B4GALT4: variants seen among roughly 807,000 people sequenced by gnomAD.
The protein encoded by B4GALT4 is N-acetyllactosamine synthase.
A neutral mutation model predicts 37.3 loss-of-function variants in B4GALT4; 27 were observed. The ratio of observed to expected loss-of-function variants is 0.72; its 90% CI spans 0.53 to 1.00. The LOEUF (loss-of-function observed/expected upper bound fraction) is 1.00, where lower values mean the gene tolerates loss of function less well. Ranked by LOEUF, B4GALT4 falls within the 50% of genes least tolerant of loss-of-function variation. The pLI is 0.00. For synonymous variants in B4GALT4, 148 were observed against 154.1 expected (o/e 0.96, Z 0.29); for missense variants, 372 against 413.1 (o/e 0.90, Z 0.86).
At chr3:119,235,388 C>T (rs556284178) in intron 2 of B4GALT4, among the ~76,000 whole-genome samples, 4 of 152,272 alleles carry the variant, frequency 2.6e-5, no homozygotes, top group African/African-American at 9.6e-5. Flanking sequence ...TGTGTTCATT[C>T]GGCAGCTATG....
chr3:119,220,439 C>T lies in B4GALT4; in HGVS notation c.675-1667G>A, dbSNP rs6762910. ...CATGTGCAAGACGGCTGGCTAAACA[C>T]GGGAATGCGGGAGCCCCGCCCTCAG... is the stretch of plus-strand genomic sequence containing the variant. On this transcript the variant is annotated intron_variant, in intron 5 of 7. Transcript: ENST00000393765. Among the ~76,000 whole-genome samples the T allele has an allele frequency of 5.7e-3, 861 of 152,318 alleles. 7 individuals carry two copies. Among genetic ancestry groups the T allele is most frequent in the African/African-American group, 0.02 (822 of 41,558 alleles).
chr3:119,226,544 T>C (rs184584775), intron 4 of B4GALT4: 5 of 456,252 alleles, frequency 1.1e-5, no homozygotes, highest in East Asian at 4.2e-5. Context: ...AGGGCAGTCA[T>C]TGGCTAACAT....
chr3:119,236,385 T>C (rs1487695089), intron 2 of B4GALT4: 2 of 152,114 alleles, frequency 1.3e-5, no homozygotes, highest in African/African-American at 2.4e-5. Context: ...ATAGTATTGA[T>C]CAATGTAGTA....
intron 3 of B4GALT4, among the ~76,000 whole-genome samples, chr3:119,228,843 A>G (rs1247971902): frequency 1.5e-5 from 2 of 137,246 alleles, no homozygotes; most frequent in Non-Finnish European, 3.3e-5. Flanking sequence ...AGCAAGAGGC[A>G]TGAGATCTAT....
rs945713130 is a variant in B4GALT4, at chr3:119,212,036, C to T, written c.*513G>A. 4 of 653,750 alleles carry T rather than the reference C, an allele frequency of 6.1e-6. No homozygotes were observed. In the East Asian group the frequency reaches 8.2e-5, roughly 13 times the overall value. The allele number at this position is 653,750 out of a possible 1,614,324, so 40.5% of individuals were successfully genotyped here. ...CCAAGTTCACTGTGTCCTGATTCGT[C>T]GCCTTTTCTCCCCTCTTTTGTGGAC... On this transcript the variant is annotated 3_prime_UTR_variant, in exon 8 of 8. Coordinates refer to ENST00000393765, the MANE Select transcript of B4GALT4 (RefSeq NM_003778.4).
At chr3:119,216,426 T>G in intron 6 of B4GALT4, 82 bp from the exon 7 acceptor site, 1 of 786,608 alleles carries the variant, frequency 1.3e-6, no homozygotes, top group Middle Eastern at 3.3e-4. Flanking sequence ...TTGCGAAAAT[T>G]TATACACACA....
chr3:119,233,625 A>C (rs942320028), intron 2 of B4GALT4, among the ~76,000 whole-genome samples: 4 of 152,172 alleles, frequency 2.6e-5, no homozygotes, highest in African/African-American at 7.2e-5. Context: ...AAACAAAAAC[A>C]AAAAAACCTA....
intron 4 of B4GALT4, chr3:119,226,503 G>A (rs1333149083): frequency 7.9e-6 from 3 of 380,962 alleles, no homozygotes; most frequent in Non-Finnish European, 1.5e-5. Flanking sequence ...GAAAGAAACA[G>A]AAGGGGCCAG....
chr3:119,238,685 T>C (rs1246498038), intron 1 of B4GALT4, among the ~76,000 whole-genome samples: 3 of 152,166 alleles, frequency 2.0e-5, no homozygotes, highest in Non-Finnish European at 4.4e-5. Flanking sequence ...TGTATGCATA[T>C]ATAGAAAAAA....
intron 3 of B4GALT4, among the ~76,000 whole-genome samples, chr3:119,228,320 A>C (rs1393801357): frequency 6.6e-6 from 1 of 152,030 alleles, no homozygotes; most frequent in Non-Finnish European, 1.5e-5. Flanking sequence ...CTTACTCTCT[A>C]TCAGTCTCCC....
chr3:119,236,226 G>A (rs1233894943), intron 2 of B4GALT4: 1 of 151,870 alleles, frequency 6.6e-6, no homozygotes, highest in African/African-American at 2.4e-5. Flanking sequence ...AGGAAAAACT[G>A]AGGAACTATT....
chr3:119,230,804 G>A (rs116259674), intron 2 of B4GALT4, among the ~76,000 whole-genome samples: 39 of 152,326 alleles, frequency 2.6e-4, no homozygotes, highest in African/African-American at 9.4e-4. Flanking sequence ...CCAGGAGGGA[G>A]TCTGTCAAGA....
intron 2 of B4GALT4, among the ~76,000 whole-genome samples, chr3:119,233,461 G>C (rs1053683453): frequency 2.6e-5 from 4 of 152,072 alleles, no homozygotes; most frequent in African/African-American, 9.7e-5. Context: ...CAATATTCCC[G>C]GTATGCAAAA....
chr3:119,219,257 C>G (rs1206635368), intron 5 of B4GALT4, among the ~76,000 whole-genome samples: 1 of 152,216 alleles, frequency 6.6e-6, no homozygotes, highest in Admixed American at 6.5e-5. Flanking sequence ...CTCCCGCACA[C>G]ACTCTGTATG....
intron 3 of B4GALT4, among the ~76,000 whole-genome samples, chr3:119,227,803 C>T (rs1439345144): frequency 6.6e-6 from 1 of 152,086 alleles, no homozygotes; most frequent in Non-Finnish European, 1.5e-5. Flanking sequence ...TTGAGCTATC[C>T]CCTTCTGAGT....
At chr3:119,238,215 T>G (rs1433470238) in intron 1 of B4GALT4, among the ~76,000 whole-genome samples, 1 of 144,262 alleles carries the variant, frequency 6.9e-6, no homozygotes, top group Non-Finnish European at 1.5e-5. Flanking sequence ...TGCAGTGAGC[T>G]GAGATCATGC....
chr3:119,223,612 C>T (rs1025770580), intron 5 of B4GALT4, among the ~76,000 whole-genome samples: 1 of 152,040 alleles, frequency 6.6e-6, no homozygotes, highest in Non-Finnish European at 1.5e-5. Flanking sequence ...CATGCCCTCC[C>T]CCACCTCTCC....
Position 119,220,941 on chromosome 3 carries a change from G to A in B4GALT4, c.675-2169C>T, listed in dbSNP as rs1351771895. 6.0e-5 allele frequency among the ~76,000 whole-genome samples: 9 copies of A among 150,192 alleles called. 1 individual carries two copies. The highest frequency in any genetic ancestry group is 1.2e-4 in the Non-Finnish European group (8 of 67,730). On this transcript the variant is annotated intron_variant, in intron 5 of 7. Transcript: ENST00000393765. ...GTGGAAGTTCCAGTGAGCCAAGATC[G>A]CACCGCTGCACTCCAGCCTGGGCAA...
At chr3:119,236,738 A>G (rs1352598086) in intron 2 of B4GALT4, 115 bp downstream of exon 2, 1 of 152,252 alleles carries the variant, frequency 6.6e-6, no homozygotes, top group Non-Finnish European at 1.5e-5. Flanking sequence ...AAAGATTAAT[A>G]ATATGAGTAC....
Sources: allele counts gnomAD v4.1 joint callset (sites outside exome capture counted in the v4.1 genomes callset), GRCh38; gene constraint gnomAD v4.1.1; transcripts MANE v1.5; gene names NCBI Gene and HGNC (gene_info 2026-07-23, HGNC 2026-07-21).